PCDH7: variants seen among roughly 807,000 people sequenced by gnomAD.
PCDH7 encodes the protein protocadherin 7.
In PCDH7, 17 loss-of-function variants were observed where a neutral mutation model predicts 58.9. The ratio of observed to expected loss-of-function variants is 0.29; its 90% CI spans 0.20 to 0.43. PCDH7 has a LOEUF of 0.43. Among genes scored for constraint, PCDH7 ranks in the 20% least tolerant of loss-of-function variants. PCDH7 has a pLI of 1.00. For missense variants in PCDH7, 1,274 were observed against 1,441.0 expected, an observed-to-expected ratio of 0.88 and a Z score of 1.88; for synonymous variants, 664 against 616.4, an observed-to-expected ratio of 1.08 and a Z score of -1.14.
intron 3 of PCDH7, among the ~76,000 whole-genome samples, chr4:31,048,259 T>A (rs377024331): frequency 6.6e-6 from 1 of 152,106 alleles, no homozygotes; most frequent in African/African-American, 2.4e-5. Context: ...ATGAGAGATG[T>A]TTCTGGATTT....
chr4:31,133,090 A>T (rs951219076), intron 3 of PCDH7, among the ~76,000 whole-genome samples: 1 of 152,212 alleles, frequency 6.6e-6, no homozygotes, highest in Non-Finnish European at 1.5e-5. Context: ...TTTATTTACC[A>T]CATGTAATTT....
At chr4:30,743,337 G>T (rs75442837) in intron 1 of PCDH7, among the ~76,000 whole-genome samples, 2,181 of 152,102 alleles carry the variant, frequency 0.014, 61 homozygotes, top group African/African-American at 0.05. Context: ...TTGAAGAAAG[G>T]AGAGAAAATA....
intron 1 of PCDH7, among the ~76,000 whole-genome samples, chr4:30,830,839 T>C (rs1382653841): frequency 6.6e-6 from 1 of 152,148 alleles, no homozygotes; most frequent in Admixed American, 6.6e-5. Context: ...TTAAACACTT[T>C]AGCTAAAAGA....
chr4:31,029,630 G>A (rs532067374), intron 3 of PCDH7, among the ~76,000 whole-genome samples: 118 of 152,240 alleles, frequency 7.8e-4, no homozygotes, highest in African/African-American at 2.8e-3. Context: ...GACATACTTG[G>A]GTTTGCACAT....
At chr4:30,827,727 C>T (rs532461562) in intron 1 of PCDH7, among the ~76,000 whole-genome samples, 1 of 151,972 alleles carries the variant, frequency 6.6e-6, no homozygotes, top group South Asian at 2.1e-4. Context: ...AAGAGAGTAG[C>T]CTGTAGGAGA....
intron 3 of PCDH7, among the ~76,000 whole-genome samples, chr4:31,043,208 T>C (rs367558948): frequency 2.5e-4 from 38 of 152,176 alleles, no homozygotes; most frequent in Admixed American, 5.9e-4. Context: ...ATTCAAACCA[T>C]AGCATCTGGC....
rs573211967 is a variant in PCDH7, at chr4:30,973,808, C to A, written c.*7+23593C>A. 2.0e-5 allele frequency among the ~76,000 whole-genome samples: 3 copies of A among 150,148 alleles called. No homozygotes were observed. The South Asian group carries it at 6.3e-4, about 31-fold the overall frequency. ...ATTGTAATCTATCTCCATTTCGCCT[C>A]GAGAAAAATTACCCAAATGGATTGA... On this transcript the variant is annotated intron_variant, in intron 3 of 3. Transcript: ENST00000509759.
chr4:30,945,447 T>C (rs901922272), intron 2 of PCDH7, among the ~76,000 whole-genome samples: 2 of 152,150 alleles, frequency 1.3e-5, no homozygotes, highest in Non-Finnish European at 2.9e-5. Context: ...TGCAACTTAT[T>C]CTTTTAAATC....
chr4:30,785,955 T>C (rs1336336202), intron 1 of PCDH7, among the ~76,000 whole-genome samples: 3 of 152,090 alleles, frequency 2.0e-5, no homozygotes, highest in East Asian at 1.9e-4. Context: ...TTGTGTACTT[T>C]CTGGCACCGA....
intron 2 of PCDH7, among the ~76,000 whole-genome samples, chr4:30,945,146 T>C (rs1246186414): frequency 6.6e-6 from 1 of 152,082 alleles, no homozygotes; most frequent in Non-Finnish European, 1.5e-5. Context: ...TTAATGAGCA[T>C]CTTCAGTTAG....
intron 2 of PCDH7, among the ~76,000 whole-genome samples, chr4:30,933,399 A>C (rs1044074024): frequency 2.5e-4 from 38 of 152,050 alleles, no homozygotes; most frequent in African/African-American, 9.2e-4. Flanking sequence ...TCATCTGAAA[A>C]ACACATTGCT....
At chr4:31,063,419 G>T (rs1172785805) in intron 3 of PCDH7, among the ~76,000 whole-genome samples, 1 of 151,722 alleles carries the variant, frequency 6.6e-6, no homozygotes, top group Non-Finnish European at 1.5e-5. Flanking sequence ...GATTTGCAAG[G>T]GTTGAGCATG....
chr4:30,937,804 T>C (rs1294237706), intron 2 of PCDH7, among the ~76,000 whole-genome samples: 1 of 152,074 alleles, frequency 6.6e-6, no homozygotes, highest in East Asian at 1.9e-4. Flanking sequence ...ATGGGATTTT[T>C]ATTTGACATA....
intron 3 of PCDH7, among the ~76,000 whole-genome samples, chr4:30,975,915 A>G (rs536190641): frequency 3.5e-4 from 53 of 152,254 alleles, no homozygotes; most frequent in Non-Finnish European, 6.2e-4. Context: ...ATGTCCTTCA[A>G]TATCTTTCAG....
At chr4:31,034,114 C>CA (rs891407184) in intron 3 of PCDH7, among the ~76,000 whole-genome samples, 2 of 151,688 alleles carry the variant, frequency 1.3e-5, no homozygotes, top group African/African-American at 4.8e-5. Flanking sequence ...AACAAACAAA[C>CA]AAAAAACTAT....
Position 30,806,845 on chromosome 4 carries a change from C to T in PCDH7, c.70+82249C>T, listed in dbSNP as rs575782777. ...CCTTAATTTGCCCATGTTGATCACACACCTAAATCTGAAAACAATAAAAGA... is the reference window on the plus strand; with the variant it reads ...CCTTAATTTGCCCATGTTGATCACATACCTAAATCTGAAAACAATAAAAGA... On this transcript the variant is annotated intron_variant, in intron 1 of 3. Transcript: ENST00000509759. 2.1e-3 allele frequency among the ~76,000 whole-genome samples: 319 copies of T among 152,140 alleles called. 1 individual carries two copies. The highest frequency in any genetic ancestry group is 3.9e-3 in the South Asian group (19 of 4,816).
chr4:31,023,024 G>A (rs1754150350), intron 3 of PCDH7, among the ~76,000 whole-genome samples: 1 of 152,114 alleles, frequency 6.6e-6, no homozygotes, highest in South Asian at 2.1e-4. Flanking sequence ...AGGGGATTGC[G>A]TTCATAGGTA....
chr4:30,931,307 G>A (rs1011111021), intron 2 of PCDH7, among the ~76,000 whole-genome samples: 5 of 152,124 alleles, frequency 3.3e-5, no homozygotes, highest in South Asian at 2.1e-4. Context: ...CGGGCATGGC[G>A]GCTCGCACCT....
At chr4:30,772,028 G>A (rs1721482082) in intron 1 of PCDH7, among the ~76,000 whole-genome samples, 1 of 151,944 alleles carries the variant, frequency 6.6e-6, no homozygotes, top group East Asian at 2.0e-4. Context: ...CTGCCACCAC[G>A]CCGGGTAATT....
Sources: allele counts gnomAD v4.1 joint callset (sites outside exome capture counted in the v4.1 genomes callset), GRCh38; gene constraint gnomAD v4.1.1; transcripts MANE v1.5; gene names NCBI Gene and HGNC (gene_info 2026-07-23, HGNC 2026-07-21).